Variants in VPS8 observed in about 807,000 individuals in gnomAD.
VPS8 encodes the protein vacuolar protein sorting-associated protein 8 homolog.
A neutral mutation model predicts 216.4 loss-of-function variants in VPS8; 129 were observed. The ratio of observed to expected loss-of-function variants is 0.60; its 90% confidence interval spans 0.52 to 0.69. VPS8 has a LOEUF of 0.69. VPS8 is among the 30% of genes least tolerant of loss of function. VPS8 has a pLI of 0.00. For missense variants in VPS8, 1,531 were observed against 1,683.5 expected (o/e 0.91, Z 1.59); for synonymous variants, 571 against 565.4 (o/e 1.01, Z -0.14).
intron 37 of VPS8, among the ~76,000 whole-genome samples, chr3:184,961,871 A>ATTC (rs1746589323): frequency 6.6e-6 from 1 of 151,908 alleles, no homozygotes; most frequent in Admixed American, 6.6e-5. Flanking sequence ...GATTCAAGTG[A>ATTC]TTCTCCTACC....
intron 32 of VPS8, 58 bp from the exon 33 acceptor site, chr3:184,929,522 C>T: frequency 2.0e-6 from 2 of 993,484 alleles, no homozygotes; most frequent in Non-Finnish European, 3.1e-6. Flanking sequence ...TGTGCCAGAG[C>T]AAATGTCTCA....
chr3:184,900,596 T>A (rs2108983406), intron 24 of VPS8, among the ~76,000 whole-genome samples: 1 of 152,330 alleles, frequency 6.6e-6, no homozygotes. Flanking sequence ...TAGTGGGAAA[T>A]CCTTTCACTT....
At chr3:184,942,528 CTTTACG>C (rs1436550086) in intron 36 of VPS8, among the ~76,000 whole-genome samples, 7 of 152,152 alleles carry the variant, frequency 4.6e-5, no homozygotes, top group Non-Finnish European at 1.0e-4. Flanking sequence ...AAATTTCTAG[CTTTACG>C]TTTGTCTACC....
At chr3:184,956,737 G>C (rs1231050772) in intron 36 of VPS8, among the ~76,000 whole-genome samples, 1 of 152,180 alleles carries the variant, frequency 6.6e-6, no homozygotes, top group Non-Finnish European at 1.5e-5. Flanking sequence ...ATTGTGAATA[G>C]CGGGCTATGT....
intron 46 of VPS8, among the ~76,000 whole-genome samples, chr3:185,035,480 G>A (rs953692520): frequency 2.6e-5 from 4 of 152,090 alleles, no homozygotes; most frequent in African/African-American, 9.7e-5. Flanking sequence ...ATGTGATTCA[G>A]CACATAAACA....
intron 14 of VPS8, among the ~76,000 whole-genome samples, chr3:184,858,955 A>G (rs1725782678): frequency 1.3e-5 from 2 of 152,160 alleles, no homozygotes; most frequent in African/African-American, 4.8e-5. Flanking sequence ...TGTTGATTCC[A>G]CATGTTTAAA....
Position 184,853,932 on chromosome 3 carries a change from G to C in VPS8, c.897G>C (p.Glu299Asp). ...CCAAGGGTGAAGTCTGCTGTATTGA[G>C]CCTCTGCATTCTAAGCCTGAGTTGA... is the stretch of plus-strand genomic sequence containing the variant. Reference protein sequence around the residue: ...SGSKGEVCCIEPLHSKPELKD... With the variant: ...SGSKGEVCCIDPLHSKPELKD... Residue 299 changes from glutamate (E) to aspartate (D), a missense_variant, in exon 12 of 48, where the codon GAG becomes GAC. Glu to Asp is a conservative substitution (Grantham distance 45). Coordinates refer to ENST00000625842, the MANE Select transcript of VPS8 (RefSeq NM_001009921.3). 1 of 1,612,690 alleles carries C rather than the reference G, an allele frequency of 6.2e-7. No homozygotes were observed. Among genetic ancestry groups the C allele is most frequent in the Non-Finnish European group, 8.5e-7 (1 of 1,179,364 alleles).
At chr3:184,886,528 T>TAC (rs943643084) in intron 22 of VPS8, among the ~76,000 whole-genome samples, 21 of 146,524 alleles carry the variant, frequency 1.4e-4, no homozygotes, top group Admixed American at 1.4e-4. Flanking sequence ...CATACACATA[T>TAC]ACACACACAC....
At chr3:184,927,399 C>T (rs1176945695) in intron 31 of VPS8, among the ~76,000 whole-genome samples, 2 of 152,124 alleles carry the variant, frequency 1.3e-5, no homozygotes, top group Non-Finnish European at 2.9e-5. Context: ...CCTTTATCCG[C>T]ACAGCTATGG....
chr3:184,869,698 G>A (rs920766168), intron 20 of VPS8, among the ~76,000 whole-genome samples, 170 bp downstream of exon 20: 2 of 151,960 alleles, frequency 1.3e-5, no homozygotes, highest in African/African-American at 4.8e-5. Context: ...AGACTAGCAT[G>A]GGCAACATAG....
At chr3:184,937,587 T>C (rs971048196) in intron 35 of VPS8, among the ~76,000 whole-genome samples, 1 of 152,202 alleles carries the variant, frequency 6.6e-6, no homozygotes, top group Non-Finnish European at 1.5e-5. Flanking sequence ...TGAAAAGTAC[T>C]GTAGGAACAA....
chr3:184,824,478 A>AT lies in VPS8; in HGVS notation c.-88-65dup, dbSNP rs1577724386. On this transcript the variant is annotated intron_variant, in intron 1 of 47. Coordinates refer to ENST00000625842, the MANE Select transcript of VPS8 (RefSeq NM_001009921.3). The stretch of plus-strand genomic sequence containing the variant: ...ACCAAGTAAGTCTTTGGAATGTCCA[A>AT]TTGACAAGGAGGAAATCTAAATGAT... The AT allele has an allele frequency of 7.5e-6, 6 of 798,818 alleles. No individual in the cohort carries two copies. In the East Asian group the frequency reaches 1.6e-4, roughly 22 times the overall value. The allele number at this position is 798,818 out of a possible 1,614,324, so 49.5% of individuals were successfully genotyped here. A position where few individuals can be genotyped will look rare whatever the true frequency, so the allele number is the denominator to read the frequency against.
chr3:184,936,219 T>A, intron 34 of VPS8, 27 bp from the exon 35 acceptor site: 1 of 1,581,770 alleles, frequency 6.3e-7, no homozygotes, highest in Non-Finnish European at 8.6e-7. Context: ...CCATTAGAGA[T>A]GGCTTTGTCT....
At position 184,929,637 on chromosome 3, in the gene VPS8, T is replaced by C. The variant is rs764021815; in HGVS notation, c.2772T>C (p.Asp924=). The C allele has an allele frequency of 6.5e-6, 10 of 1,530,738 alleles. No homozygotes were observed. Among genetic ancestry groups the C allele is most frequent in the Non-Finnish European group, 8.8e-6 (10 of 1,134,404 alleles). 94.8% of individuals were successfully genotyped at this position (1,530,738 alleles called of 1,614,324 possible). The change falls in exon 33 of 48, where the codon GAT becomes GAC. Residue 924 remains aspartate (D), a synonymous_variant. Coordinates refer to ENST00000625842, the MANE Select transcript of VPS8 (RefSeq NM_001009921.3). ...EREHQYDKII[D]CYLRDPLREE... is the part of the protein sequence containing the mutation. ...AACACCAATATGATAAAATTATTGATTGCTACTTACGTGACCCTCTGCGAG... is the reference window on the plus strand; with the variant it reads ...AACACCAATATGATAAAATTATTGACTGCTACTTACGTGACCCTCTGCGAG...
intron 25 of VPS8, among the ~76,000 whole-genome samples, chr3:184,913,182 A>G (rs1235886380): frequency 6.6e-6 from 1 of 152,198 alleles, no homozygotes; most frequent in Non-Finnish European, 1.5e-5. Context: ...ATGCCTTAAC[A>G]CTAATTAATT....
chr3:184,855,197 A>T (rs1273096288), intron 13 of VPS8, among the ~76,000 whole-genome samples: 1 of 152,114 alleles, frequency 6.6e-6, no homozygotes, highest in Non-Finnish European at 1.5e-5. Flanking sequence ...TTTCAAACAA[A>T]ATTGAATTTT....
At chr3:184,987,090 A>G (rs1751212552) in intron 42 of VPS8, among the ~76,000 whole-genome samples, 2 of 151,924 alleles carry the variant, frequency 1.3e-5, no homozygotes, top group Admixed American at 6.6e-5. Flanking sequence ...CCTCCTCCCT[A>G]TGCTAATCCC....
intron 37 of VPS8, among the ~76,000 whole-genome samples, chr3:184,962,901 T>C (rs1746772841): frequency 6.6e-6 from 1 of 152,120 alleles, no homozygotes; most frequent in Non-Finnish European, 1.5e-5. Context: ...GAAGGATTTT[T>C]ATCTTCCACA....
At chr3:184,922,023 C>T (rs570712110) in intron 29 of VPS8, among the ~76,000 whole-genome samples, 2 of 152,252 alleles carry the variant, frequency 1.3e-5, no homozygotes, top group South Asian at 2.1e-4. Context: ...TCATCCATCT[C>T]GTCATCCTAC....
Sources: allele counts gnomAD v4.1 joint callset (sites outside exome capture counted in the v4.1 genomes callset), GRCh38; gene constraint gnomAD v4.1.1; transcripts MANE v1.5; gene names NCBI Gene and HGNC (gene_info 2026-07-23, HGNC 2026-07-21).